The following NRG1 variants were observed in gnomAD, a reference collection of about 807,000 sequenced individuals.
NRG1 encodes neuregulin 1, also known as pro-neuregulin-1, membrane-bound isoform.
Under a neutral mutation model 63.8 loss-of-function variants are expected in NRG1, and 18 were observed. That is an observed-to-expected ratio of 0.28 (90% CI 0.19 to 0.42). The LOEUF (loss-of-function observed/expected upper bound fraction) is 0.42, where lower values mean the gene tolerates loss of function less well. Among genes scored for constraint, NRG1 ranks in the 10% least tolerant of loss-of-function variants. The pLI, the probability that NRG1 is intolerant of heterozygous loss-of-function variation, is 1.00. For synonymous variants in NRG1, 302 were observed against 301.3 expected (o/e 1.00, Z -0.02); for missense variants, 762 against 814.7 (o/e 0.94, Z 0.79).
intron 1 of NRG1, among the ~76,000 whole-genome samples, chr8:32,412,472 A>G (rs1815236729): frequency 7.7e-6 from 1 of 130,372 alleles, no homozygotes; most frequent in African/African-American, 2.8e-5. Flanking sequence ...ATATATATAT[A>G]TATGAACAGA....
chr8:32,094,912 C>G (rs970202155), intron 1 of NRG1, among the ~76,000 whole-genome samples: 1 of 138,406 alleles, frequency 7.2e-6, no homozygotes, highest in Non-Finnish European at 1.5e-5. Flanking sequence ...TTAATTTCAG[C>G]ATTTTTTTTT....
intron 1 of NRG1, among the ~76,000 whole-genome samples, chr8:32,229,752 A>G (rs1025645098): frequency 6.6e-6 from 1 of 152,212 alleles, no homozygotes; most frequent in African/African-American, 2.4e-5. Context: ...TAAAGAGTCA[A>G]TTAGGAATAT....
intron 1 of NRG1, among the ~76,000 whole-genome samples, chr8:31,812,749 G>C (rs1416319509): frequency 6.7e-6 from 1 of 149,514 alleles, no homozygotes; most frequent in African/African-American, 2.5e-5. Context: ...GCACTGCTTT[G>C]GGTTATCCAT....
intron 1 of NRG1, among the ~76,000 whole-genome samples, chr8:32,587,671 A>G (rs1261045158): frequency 2.0e-5 from 3 of 152,160 alleles, no homozygotes; most frequent in Non-Finnish European, 4.4e-5. Flanking sequence ...TCCTTTCAGC[A>G]GACACTTGAA....
At chr8:32,550,724 G>C (rs1296334494) in intron 1 of NRG1, among the ~76,000 whole-genome samples, 1 of 152,192 alleles carries the variant, frequency 6.6e-6, no homozygotes, top group Non-Finnish European at 1.5e-5. Flanking sequence ...TCTTGACACA[G>C]AGCACCAGAG....
intron 1 of NRG1, among the ~76,000 whole-genome samples, chr8:31,729,273 G>T (rs1157815392): frequency 1.3e-5 from 2 of 151,734 alleles, no homozygotes; most frequent in African/African-American, 4.8e-5. Context: ...TACTTTGCAG[G>T]AAGGTCATGT....
downstream of NRG1, among the ~76,000 whole-genome samples, chr8:32,772,889 A>G (rs1199638131): frequency 6.6e-6 from 1 of 152,160 alleles, no homozygotes; most frequent in Non-Finnish European, 1.5e-5. Flanking sequence ...GTACCTTCCA[A>G]CAACGAGATG....
chr8:32,495,597 G>T (rs1255523053), intron 1 of NRG1, among the ~76,000 whole-genome samples: 2 of 152,052 alleles, frequency 1.3e-5, no homozygotes, highest in Non-Finnish European at 2.9e-5. Flanking sequence ...CGAGCAGCTG[G>T]GATTACAGGC....
chr8:32,351,094 G>T (rs763372036), intron 1 of NRG1, among the ~76,000 whole-genome samples: 1 of 152,078 alleles, frequency 6.6e-6, no homozygotes, highest in Non-Finnish European at 1.5e-5. Context: ...TTTTTACTTT[G>T]GTACTGGGAC....
chr8:32,650,867 AT>A (rs201557669), intron 5 of NRG1, among the ~76,000 whole-genome samples: 1 of 150,214 alleles, frequency 6.7e-6, no homozygotes. Flanking sequence ...TCCCGTTTCC[AT>A]TTTTTTTTCT....
chr8:32,536,400 A>G (rs567160102), intron 1 of NRG1, among the ~76,000 whole-genome samples: 112 of 152,308 alleles, frequency 7.4e-4, no homozygotes, highest in East Asian at 6.4e-3. Flanking sequence ...CAAAGCCAAT[A>G]GGAGAATATT....
intron 1 of NRG1, among the ~76,000 whole-genome samples, chr8:31,904,332 C>T (rs1335582484): frequency 6.6e-6 from 1 of 152,132 alleles, no homozygotes; most frequent in Non-Finnish European, 1.5e-5. Flanking sequence ...CTGTCAAGAT[C>T]ATCTAGACTT....
intron 5 of NRG1, among the ~76,000 whole-genome samples, chr8:32,638,696 AT>A (rs1312116838): frequency 6.6e-6 from 1 of 152,230 alleles, no homozygotes; most frequent in Non-Finnish European, 1.5e-5. Flanking sequence ...TGGTAGAAAC[AT>A]TTGAGCTGGA....
chr8:31,893,341 A>G (rs1831301998), intron 1 of NRG1, among the ~76,000 whole-genome samples: 1 of 151,784 alleles, frequency 6.6e-6, no homozygotes, highest in East Asian at 1.9e-4. Flanking sequence ...AAGATATCAC[A>G]CACAAAAAAC....
At chr8:32,290,112 G>A (rs904564272) in intron 1 of NRG1, among the ~76,000 whole-genome samples, 1 of 152,036 alleles carries the variant, frequency 6.6e-6, no homozygotes, top group Non-Finnish European at 1.5e-5. Context: ...GTGGTGGCAT[G>A]CACCTGTAGT....
intron 1 of NRG1, among the ~76,000 whole-genome samples, chr8:31,856,768 T>C (rs1207267679): frequency 6.6e-6 from 1 of 152,192 alleles, no homozygotes; most frequent in African/African-American, 2.4e-5. Context: ...TCTTTGATGA[T>C]GGTGATGTAC....
intron 1 of NRG1, among the ~76,000 whole-genome samples, chr8:32,182,279 C>T (rs773172565): frequency 1.3e-5 from 2 of 152,012 alleles, no homozygotes; most frequent in Non-Finnish European, 2.9e-5. Flanking sequence ...CAGAGTCTCG[C>T]TCTGTCACCC....
At chr8:32,359,186 A>G (rs1227061710) in intron 1 of NRG1, among the ~76,000 whole-genome samples, 2 of 152,156 alleles carry the variant, frequency 1.3e-5, no homozygotes, top group Admixed American at 1.3e-4. Flanking sequence ...CTTATCTTTT[A>G]GAGTTGTTTG....
intron 1 of NRG1, among the ~76,000 whole-genome samples, chr8:32,073,784 G>A (rs1242166772): frequency 6.6e-6 from 1 of 152,128 alleles, no homozygotes; most frequent in Non-Finnish European, 1.5e-5. Context: ...ATGCAGTTAG[G>A]TCATGTAAAT....
Sources: gnomAD v4.1 joint callset for allele counts (sites outside exome capture counted in the v4.1 genomes callset) on GRCh38, gnomAD v4.1.1 for gene constraint, MANE v1.5 for transcripts, NCBI Gene and HGNC (gene_info 2026-07-23, HGNC 2026-07-21) for gene names.